ADGRL2: variants seen among roughly 807,000 people sequenced by gnomAD.
ADGRL2 encodes adhesion G protein-coupled receptor L2.
ADGRL2 carries 44 observed loss-of-function variants against 157.4 expected under a neutral mutation model. The observed-to-expected ratio is 0.28, with a 90% CI of 0.22 to 0.36. ADGRL2 has a LOEUF of 0.36. ADGRL2 is among the 10% of genes least tolerant of loss of function. The probability of loss-of-function intolerance (pLI) is 1.00; values close to 1 mark genes in which losing one functional copy is unlikely to be tolerated. For synonymous variants in ADGRL2, 585 were observed against 624.7 expected (o/e 0.94, Z 0.95); for missense variants, 1,510 against 1,768.9 (o/e 0.85, Z 2.63).
chr1:81,309,063 G>A (rs1570580058), intron 1 of ADGRL2, among the ~76,000 whole-genome samples: 1 of 152,122 alleles, frequency 6.6e-6, no homozygotes, highest in East Asian at 1.9e-4. Flanking sequence ...GGATGCTATG[G>A]AAGGTGTTAA....
chr1:81,309,412 G>A (rs1452898718), intron 1 of ADGRL2, among the ~76,000 whole-genome samples: 2 of 152,078 alleles, frequency 1.3e-5, no homozygotes, highest in Non-Finnish European at 2.9e-5. Context: ...CTTAGCCAAG[G>A]CCACACAGTT....
chr1:81,793,585 A>G (rs2087450360), intron 2 of ADGRL2, among the ~76,000 whole-genome samples: 1 of 152,204 alleles, frequency 6.6e-6, no homozygotes, highest in African/African-American at 2.4e-5. Context: ...AAGGTACAAT[A>G]TTTTACTTCC....
chr1:81,470,514 A>G (rs544521851), intron 2 of ADGRL2, among the ~76,000 whole-genome samples: 121 of 152,144 alleles, frequency 8.0e-4, no homozygotes, highest in Non-Finnish European at 1.6e-3. Context: ...AATTTTCTCA[A>G]CTTCCTCTTG....
At chr1:81,645,200 G>A (rs1371151566) in intron 3 of ADGRL2, among the ~76,000 whole-genome samples, 1 of 151,646 alleles carries the variant, frequency 6.6e-6, no homozygotes, top group Non-Finnish European at 1.5e-5. Context: ...GACCAGCCTG[G>A]GCAACATAGC....
intron 8 of ADGRL2, 69 bp from the exon 9 acceptor site, chr1:81,951,888 C>A: frequency 7.9e-7 from 1 of 1,258,348 alleles, no homozygotes; most frequent in Non-Finnish European, 1.1e-6. Context: ...AATAAAGATA[C>A]TCAAGGAGAA....
rs142079242 is a variant in ADGRL2 at position 81,461,545 on chromosome 1, G to A, written c.-248+16456G>A. ...TTATTGCATTTTAATCTCAAACTGAGCTTGTTGCTTGGGGTAGGTAGTTCA... is the reference window on the plus strand; with the variant it reads ...TTATTGCATTTTAATCTCAAACTGAACTTGTTGCTTGGGGTAGGTAGTTCA... On this transcript the variant is annotated intron_variant, in intron 2 of 24. Coordinates refer to the ADGRL2 transcript ENST00000370721. Among the ~76,000 whole-genome samples the A allele has an allele frequency of 2.7e-3, 414 of 152,202 alleles. 1 individual carries two copies. The highest frequency in any genetic ancestry group is 0.01 in the Middle Eastern group (3 of 292).
upstream of ADGRL2, among the ~76,000 whole-genome samples, chr1:81,798,965 G>A (rs930868030): frequency 6.6e-6 from 1 of 152,044 alleles, no homozygotes; most frequent in South Asian, 2.1e-4. Flanking sequence ...AACAAAGAAG[G>A]GCTAAAATAT....
At position 81,722,439 on chromosome 1, in the gene ADGRL2, C is replaced by T. The variant is rs184509982; in HGVS notation, c.-143+22631C>T. 6.9e-4 allele frequency: 858 copies of T among 1,249,358 alleles called. 1 individual carries two copies. In the African/African-American group the frequency reaches 0.011, roughly 16 times the overall value. The allele number at this position is 1,249,358 out of a possible 1,614,324, so 77.4% of individuals were successfully genotyped here. Reference sequence around the variant, plus strand: ...GCCATTAAGCTGAATTTGCGCTTGGCCGTTTTGTATGCCAAGAGGGCCAGC... The same window carrying T: ...GCCATTAAGCTGAATTTGCGCTTGGTCGTTTTGTATGCCAAGAGGGCCAGC... On this transcript the variant is annotated intron_variant, in intron 1 of 20. Coordinates refer to the ADGRL2 transcript ENST00000359929.
intron 2 of ADGRL2, among the ~76,000 whole-genome samples, chr1:81,898,089 A>G: frequency 6.6e-6 from 1 of 152,146 alleles, no homozygotes; most frequent in African/African-American, 2.4e-5. Context: ...CAGCTGGACA[A>G]CAGAGTGAGA....
At chr1:81,744,734 T>C (rs2085186868) in intron 1 of ADGRL2, among the ~76,000 whole-genome samples, 1 of 152,122 alleles carries the variant, frequency 6.6e-6, no homozygotes, top group South Asian at 2.1e-4. Flanking sequence ...GACACACTCA[T>C]GAAAATAGAG....
rs574077165 is a variant in ADGRL2 at position 81,953,500 on chromosome 1, G to A, written c.1833+475G>A. Reference sequence around the variant, plus strand: ...TTTTTAGGAGTCATTTCTAGAATCAGGTTGATATGGGGATGGGTTACTAAA... The same window carrying A: ...TTTTTAGGAGTCATTTCTAGAATCAAGTTGATATGGGGATGGGTTACTAAA... On this transcript the variant is annotated intron_variant, in intron 10 of 23. Coordinates refer to ENST00000686636, the MANE Select transcript of ADGRL2 (RefSeq NM_001366006.2). Among the ~76,000 whole-genome samples, 4 of 152,204 alleles carry A rather than the reference G, an allele frequency of 2.6e-5. No individual in the cohort carries two copies. In the South Asian group the frequency reaches 8.3e-4, roughly 32 times the overall value.
intron 3 of ADGRL2, among the ~76,000 whole-genome samples, chr1:81,934,489 A>G (rs1165891877): frequency 3.9e-5 from 6 of 151,980 alleles, no homozygotes; most frequent in African/African-American, 1.4e-4. Context: ...GAAAAATTAT[A>G]TATATATATA....
chr1:81,462,746 C>T (rs528451523), intron 2 of ADGRL2, among the ~76,000 whole-genome samples: 216 of 152,144 alleles, frequency 1.4e-3, no homozygotes, highest in African/African-American at 4.9e-3. Context: ...GAAAGCTATC[C>T]ATATTCTTTA....
chr1:81,966,739 T>C (rs1572413403), intron 13 of ADGRL2, 130 bp downstream of exon 13: 1 of 753,688 alleles, frequency 1.3e-6, no homozygotes, highest in East Asian at 2.5e-5. Flanking sequence ...ACCTTTCCAT[T>C]TGAATTTTAA....
chr1:81,449,937 C>T (rs2077674949), intron 2 of ADGRL2, among the ~76,000 whole-genome samples: 1 of 152,140 alleles, frequency 6.6e-6, no homozygotes, highest in Admixed American at 6.6e-5. Context: ...GTGCAAAGCT[C>T]AATGAGTAAC....
chr1:81,395,479 C>T (rs1309686953), intron 1 of ADGRL2, among the ~76,000 whole-genome samples: 1 of 152,100 alleles, frequency 6.6e-6, no homozygotes, highest in Non-Finnish European at 1.5e-5. Context: ...TAAATATTTT[C>T]TCCCATTCTG....
chr1:81,746,249 C>T (rs960869611), intron 1 of ADGRL2, among the ~76,000 whole-genome samples: 1 of 151,832 alleles, frequency 6.6e-6, no homozygotes, highest in Non-Finnish European at 1.5e-5. Flanking sequence ...TTATAAGATG[C>T]CAAATATTAT....
At chr1:81,455,552 GGT>G (rs2077787412) in intron 2 of ADGRL2, among the ~76,000 whole-genome samples, 1 of 152,158 alleles carries the variant, frequency 6.6e-6, no homozygotes, top group South Asian at 2.1e-4. Context: ...TCAGCACAGA[GGT>G]GTGTTACATA....
At chr1:81,618,807 ACT>A (rs1431088500) in intron 3 of ADGRL2, among the ~76,000 whole-genome samples, 2 of 151,554 alleles carry the variant, frequency 1.3e-5, no homozygotes, top group African/African-American at 4.9e-5. Context: ...ATCTCAGTTA[ACT>A]CTGTTTATTA....
Sources: gnomAD v4.1 joint callset for allele counts (sites outside exome capture counted in the v4.1 genomes callset) on GRCh38, gnomAD v4.1.1 for gene constraint, MANE v1.5 for transcripts, NCBI Gene and HGNC (gene_info 2026-07-23, HGNC 2026-07-21) for gene names.